Variants in LCK observed in about 807,000 individuals in gnomAD.
LCK encodes the protein LCK proto-oncogene, Src family tyrosine kinase.
Under a neutral mutation model 64.6 loss-of-function variants are expected in LCK, and 14 were observed. The ratio of observed to expected loss-of-function variants is 0.22; its 90% CI spans 0.14 to 0.34. The LOEUF is 0.34. Among genes scored for constraint, LCK ranks in the 10% least tolerant of loss-of-function variants. The pLI, the probability that LCK is intolerant of heterozygous loss-of-function variation, is 1.00. For synonymous variants in LCK, 277 were observed against 263.6 expected (o/e 1.05, Z -0.49); for missense variants, 434 against 668.1 (o/e 0.65, Z 3.86).
chr1:32,252,966 T>C (rs1639543894), intron 1 of LCK, among the ~76,000 whole-genome samples: 1 of 152,136 alleles, frequency 6.6e-6, no homozygotes, highest in Non-Finnish European at 1.5e-5. Context: ...GAGCAGAGAA[T>C]GTGCATTTCA....
At chr1:32,268,906 G>C (rs1362743696) in intron 1 of LCK, among the ~76,000 whole-genome samples, 2 of 151,454 alleles carry the variant, frequency 1.3e-5, no homozygotes. Context: ...GGGAGGCTGA[G>C]GTCAGGAGTT....
chr1:32,275,571 G>T lies in LCK; in HGVS notation c.380G>T (p.Trp127Leu). The T allele has an allele frequency of 6.4e-7, 1 of 1,568,130 alleles. No individual in the cohort carries two copies. Among genetic ancestry groups the T allele is most frequent in the African/African-American group, 1.4e-5 (1 of 74,040 alleles). ...TCGTTCGCTTCCGCCCTGCACAGCT[G>T]GTTCTTCAAGAACCTGAGCCGCAAG... ...AKANSLEPEP[W>L]FFKNLSRKDA... Residue 127 changes from tryptophan to leucine, a missense_variant and splice_region_variant, in exon 6 of 13, where the codon TGG becomes TTG. Coordinates refer to ENST00000336890, the MANE Select transcript of LCK (RefSeq NM_005356.5). The surrounding 1 kb of genome is among the most constrained non-coding windows in gnomAD (Gnocchi z 6.9).
At chr1:32,268,673 C>T (rs1462634565) in intron 1 of LCK, among the ~76,000 whole-genome samples, 3 of 151,560 alleles carry the variant, frequency 2.0e-5, no homozygotes, top group Non-Finnish European at 4.4e-5. Context: ...ATTAGCCGGG[C>T]GTGGTGGCAC....
intron 1 of LCK, among the ~76,000 whole-genome samples, chr1:32,263,033 G>T (rs1011533305): frequency 5.9e-5 from 9 of 152,058 alleles, no homozygotes; most frequent in African/African-American, 1.7e-4. Context: ...TCTGACTAGG[G>T]CATGTAATGT....
intron 1 of LCK, among the ~76,000 whole-genome samples, chr1:32,262,639 C>G (rs10914542): frequency 0.15 from 22,751 of 150,506 alleles, 3,320 homozygotes; most frequent in African/African-American, 0.36. Flanking sequence ...GGTCAGGCTG[C>G]TCTCGAACTC....
At chr1:32,270,692 C>CTTTT (rs34689678) in intron 1 of LCK, among the ~76,000 whole-genome samples, 3 of 96,792 alleles carry the variant, frequency 3.1e-5, no homozygotes, top group African/African-American at 4.4e-5. Context: ...CGTGCCCGGA[C>CTTTT]TTTTTTTTTT....
rs938162889 is a variant in LCK at position 32,285,749 on chromosome 1, TTCTC to T, written c.*36_*39del. On this transcript the variant is annotated 3_prime_UTR_variant, in exon 13 of 13. Coordinates refer to ENST00000336890, the MANE Select transcript of LCK (RefSeq NM_005356.5). Reference sequence around the variant, plus strand: ...TGAGAGGCCCTGGGGTTCTCCCCCTTTCTCTCCAGCCTGACTTGGGGAGATGGAG... The same window carrying T: ...TGAGAGGCCCTGGGGTTCTCCCCCTTTCCAGCCTGACTTGGGGAGATGGAG... 2 of 1,555,584 alleles carry T rather than the reference TTCTC, an allele frequency of 1.3e-6. No homozygotes were observed. The highest frequency in any genetic ancestry group is 1.4e-5 in the African/African-American group (1 of 73,354).
chr1:32,259,626 T>A (rs957758792), intron 1 of LCK, among the ~76,000 whole-genome samples: 14 of 148,144 alleles, frequency 9.5e-5, no homozygotes, highest in Admixed American at 2.7e-4. Flanking sequence ...TCTAAAAAAA[T>A]AAAAATAATA....
chr1:32,262,259 G>C (rs1412634404), intron 1 of LCK, among the ~76,000 whole-genome samples: 2 of 141,876 alleles, frequency 1.4e-5, no homozygotes, highest in East Asian at 5.0e-4. Flanking sequence ...CCAGCACTTT[G>C]GGAAGCCGAG....
chr1:32,276,802 G>A lies in LCK; in HGVS notation c.964+16G>A, dbSNP rs372978422. ...ATGGAGAATGGTGGGTGCTACCCGA[G>A]TCGGCTACCAGGGGATACTGCTCTC... is the stretch of plus-strand genomic sequence containing the variant. On this transcript the variant is annotated intron_variant, in intron 9 of 12. Coordinates refer to ENST00000336890, the MANE Select transcript of LCK (RefSeq NM_005356.5). This position sits in a 1 kb window ranked among gnomAD's most constrained non-coding sequence, Gnocchi z 4.6. 1.9e-6 allele frequency: 3 copies of A among 1,576,392 alleles called. No homozygotes were observed. Among genetic ancestry groups the A allele is most frequent in the Non-Finnish European group, 2.6e-6 (3 of 1,156,046 alleles).
At chr1:32,270,256 T>C (rs1640039664) in intron 1 of LCK, among the ~76,000 whole-genome samples, 1 of 142,180 alleles carries the variant, frequency 7.0e-6, no homozygotes. Flanking sequence ...CTAACTTTTT[T>C]TTTTTTTTTT....
intron 1 of LCK, among the ~76,000 whole-genome samples, chr1:32,260,606 G>A (rs1639743117): frequency 6.6e-6 from 1 of 152,100 alleles, no homozygotes. Context: ...CTTGTCTGCT[G>A]TTTTTTGTGT....
intron 1 of LCK, among the ~76,000 whole-genome samples, chr1:32,267,428 CT>C (rs1639953331): frequency 6.6e-6 from 1 of 152,192 alleles, no homozygotes; most frequent in Non-Finnish European, 1.5e-5. Flanking sequence ...CATGACATGA[CT>C]TCCGGTACCC....
intron 1 of LCK, 49 bp from the exon 2 acceptor site, chr1:32,274,276 G>A (rs770473764): frequency 6.2e-7 from 1 of 1,613,340 alleles, no homozygotes; most frequent in South Asian, 1.1e-5. Flanking sequence ...TGATGTTGGG[G>A]GAGCAGATCT....
chr1:32,257,260 T>C (rs1639654600), intron 1 of LCK, among the ~76,000 whole-genome samples: 1 of 151,376 alleles, frequency 6.6e-6, no homozygotes, highest in Non-Finnish European at 1.5e-5. Flanking sequence ...GTTTTTTTTG[T>C]TTTTTTGAGA....
chr1:32,275,734 G>T lies in LCK; in HGVS notation c.481+62G>T, dbSNP rs1194415348. ...CCCCGGGGTGTGCCCGAGGGGGGGC[G>T]CAGGGTGAGCCCGAGGTGGAGACAC... On this transcript the variant is annotated intron_variant, in intron 6 of 12. Transcript: ENST00000336890. This position sits in a 1 kb window ranked among gnomAD's most constrained non-coding sequence, Gnocchi z 6.9. The T allele has an allele frequency of 1.9e-5, 27 of 1,452,080 alleles. No homozygotes were observed. The African/African-American group carries it at 3.4e-4, about 18-fold the overall frequency. The allele number at this position is 1,452,080 out of a possible 1,614,324, so 89.9% of individuals were successfully genotyped here.
intron 1 of LCK, among the ~76,000 whole-genome samples, chr1:32,252,920 AAGACCAAAGGCC>A (rs1469413464): frequency 6.6e-6 from 1 of 152,230 alleles, no homozygotes; most frequent in Admixed American, 6.5e-5. Context: ...ACCTCAGAGC[AAGACCAAAGGCC>A]AGAGAGCCCA....
intron 1 of LCK, among the ~76,000 whole-genome samples, chr1:32,270,379 C>A (rs561113356): frequency 6.6e-6 from 1 of 151,154 alleles, no homozygotes; most frequent in Non-Finnish European, 1.5e-5. Context: ...GCTGGGATTA[C>A]AAGCATGAGC....
chr1:32,271,001 C>CTT lies in LCK; in HGVS notation c.-5-3308_-5-3307dup, dbSNP rs34162389. On this transcript the variant is annotated intron_variant, in intron 1 of 12. Transcript: ENST00000336890. ...ACAGGTGTGAGCCACCGCGCCTGGC[C>CTT]TTTTTTTTTTTTTTTTTGAGACAGG... Among the ~76,000 whole-genome samples, 405 of 123,370 alleles carry CTT rather than the reference C, an allele frequency of 3.3e-3. 2 individuals carry two copies. The highest frequency in any genetic ancestry group is 0.011 in the African/African-American group (348 of 31,998). The allele number at this position is 123,370 out of a possible 152,430, so 80.9% of individuals were successfully genotyped here. A position where few individuals can be genotyped will look rare whatever the true frequency, so the allele number is the denominator to read the frequency against.
Sources: allele counts gnomAD v4.1 joint callset (sites outside exome capture counted in the v4.1 genomes callset), GRCh38; gene constraint gnomAD v4.1.1; non-coding constraint Gnocchi (gnomAD v3.1); transcripts MANE v1.5; gene names NCBI Gene and HGNC (gene_info 2026-07-23, HGNC 2026-07-21).